The following SLC28A3 variants were observed in gnomAD, a reference collection of about 807,000 sequenced individuals.
SLC28A3 encodes concentrative Na(+)-nucleoside cotransporter 3.
Under a neutral mutation model 84.2 loss-of-function variants are expected in SLC28A3, and 68 were observed. The ratio of observed to expected loss-of-function variants is 0.81; its 90% CI spans 0.66 to 0.99. SLC28A3 has a LOEUF of 0.99. SLC28A3 is among the 50% of genes least tolerant of loss of function. The pLI, the probability that SLC28A3 is intolerant of heterozygous loss-of-function variation, is 0.00. For missense variants in SLC28A3, 712 were observed against 841.5 expected, an observed-to-expected ratio of 0.85 and a Z score of 1.90; for synonymous variants, 267 against 303.6, an observed-to-expected ratio of 0.88 and a Z score of 1.25.
At chr9:84,303,260 C>T (rs1443601922) in intron 4 of SLC28A3, among the ~76,000 whole-genome samples, 1 of 152,196 alleles carries the variant, frequency 6.6e-6, no homozygotes, top group African/African-American at 2.4e-5. Context: ...ATGGAAGACT[C>T]ATTTCTCTAT....
chr9:84,356,275 G>A, the SLC28A3 span, among the ~76,000 whole-genome samples: 1 of 152,078 alleles, frequency 6.6e-6, no homozygotes, highest in South Asian at 2.1e-4. Flanking sequence ...AAAGTTTCAG[G>A]CCCTCCTCCC....
the SLC28A3 span, among the ~76,000 whole-genome samples, chr9:84,358,749 C>T: frequency 6.6e-6 from 1 of 152,134 alleles, no homozygotes; most frequent in Non-Finnish European, 1.5e-5. Flanking sequence ...ATAAATTTTT[C>T]GAATGATTCA....
At chr9:84,350,715 C>T in the SLC28A3 span, among the ~76,000 whole-genome samples, 1 of 152,024 alleles carries the variant, frequency 6.6e-6, no homozygotes, top group African/African-American at 2.4e-5. Flanking sequence ...TCTTAGCTCA[C>T]CATAACTTTT....
At chr9:84,280,952 G>C in intron 14 of SLC28A3, 70 bp from the exon 15 acceptor site, 2 of 1,416,998 alleles carry the variant, frequency 1.4e-6, no homozygotes, top group South Asian at 2.4e-5. Flanking sequence ...ATCCAACTGG[G>C]CTTCATTTTG....
At chr9:84,344,065 A>G (rs998846832), upstream of SLC28A3, among the ~76,000 whole-genome samples, 1 of 152,088 alleles carries the variant, frequency 6.6e-6, no homozygotes, top group Non-Finnish European at 1.5e-5. Context: ...TTCTTCCTTC[A>G]TAAAACGGAG....
At chr9:84,363,620 G>A in the SLC28A3 span, among the ~76,000 whole-genome samples, 94 of 152,244 alleles carry the variant, frequency 6.2e-4, 1 homozygote, top group East Asian at 0.016. Flanking sequence ...GCATTTATCA[G>A]AATCATCTAA....
At chr9:84,352,910 A>G in the SLC28A3 span, among the ~76,000 whole-genome samples, 1 of 151,460 alleles carries the variant, frequency 6.6e-6, no homozygotes, top group Admixed American at 6.6e-5. Context: ...AAAAAAAAAA[A>G]AAAAACCTTA....
At chr9:84,299,491 T>TTGTTC (rs1209795338) in intron 6 of SLC28A3, 90 bp downstream of exon 6, 2 of 1,525,072 alleles carry the variant, frequency 1.3e-6, no homozygotes, top group East Asian at 4.6e-5. Context: ...TACTGAACAA[T>TTGTTC]AGTTAAATTC....
At chr9:84,364,930 A>G in the SLC28A3 span, among the ~76,000 whole-genome samples, 1 of 152,202 alleles carries the variant, frequency 6.6e-6, no homozygotes, top group Non-Finnish European at 1.5e-5. Context: ...GTTGATGGAC[A>G]CTTAGGTTGC....
At chr9:84,359,916 G>A in the SLC28A3 span, among the ~76,000 whole-genome samples, 1 of 150,346 alleles carries the variant, frequency 6.7e-6, no homozygotes, top group African/African-American at 2.5e-5. Flanking sequence ...CCGGAGAATT[G>A]CTTGAGCCAG....
intron 14 of SLC28A3, among the ~76,000 whole-genome samples, chr9:84,283,260 A>G (rs976174168): frequency 1.4e-4 from 22 of 152,394 alleles, no homozygotes; most frequent in African/African-American, 5.3e-4. Context: ...GATGCACCGT[A>G]CTAGAAAAAT....
At chr9:84,366,748 T>C in the SLC28A3 span, among the ~76,000 whole-genome samples, 3 of 152,202 alleles carry the variant, frequency 2.0e-5, no homozygotes, top group Non-Finnish European at 4.4e-5. Flanking sequence ...ACAGAATCTC[T>C]CTCTCTGTTC....
chr9:84,315,950 A>G (rs1177620499), intron 1 of SLC28A3, among the ~76,000 whole-genome samples: 1 of 152,240 alleles, frequency 6.6e-6, no homozygotes, highest in Non-Finnish European at 1.5e-5. Context: ...TGTGTAAGAA[A>G]GGTGAGGGAA....
At chr9:84,312,582 A>G (rs1445966638) in intron 2 of SLC28A3, among the ~76,000 whole-genome samples, 3 of 131,980 alleles carry the variant, frequency 2.3e-5, no homozygotes, top group African/African-American at 9.0e-5. Context: ...TCTGTCGCCC[A>G]GGCTGGAGTA....
intron 12 of SLC28A3, 144 bp from the exon 13 acceptor site, chr9:84,286,255 A>G: frequency 1.4e-6 from 1 of 693,542 alleles, no homozygotes; most frequent in Non-Finnish European, 2.4e-6. Context: ...CCTGAATCCC[A>G]TGACATCATG....
the SLC28A3 span, among the ~76,000 whole-genome samples, chr9:84,355,049 T>A: frequency 1.3e-5 from 2 of 152,200 alleles, no homozygotes; most frequent in Non-Finnish European, 2.9e-5. Context: ...TTGAAAAGCA[T>A]GATTTTGTGA....
the SLC28A3 span, among the ~76,000 whole-genome samples, chr9:84,352,247 G>T: frequency 1.3e-5 from 2 of 151,838 alleles, no homozygotes; most frequent in African/African-American, 4.8e-5. Flanking sequence ...GCAATGACGT[G>T]ATCTTGGCTC....
intron 1 of SLC28A3, among the ~76,000 whole-genome samples, chr9:84,339,968 A>G (rs1827102532): frequency 6.6e-6 from 1 of 152,226 alleles, no homozygotes; most frequent in Admixed American, 6.5e-5. Context: ...AGCTAAGGAA[A>G]GGAAGCACAC....
chr9:84,303,887 A>T (rs1486697008), intron 4 of SLC28A3, among the ~76,000 whole-genome samples: 1 of 151,482 alleles, frequency 6.6e-6, no homozygotes, highest in African/African-American at 2.4e-5. Context: ...AATATTCATG[A>T]CTCCCCCTAT....
Sources: allele counts gnomAD v4.1 joint callset (sites outside exome capture counted in the v4.1 genomes callset), GRCh38; gene constraint gnomAD v4.1.1; transcripts MANE v1.5; gene names NCBI Gene and HGNC (gene_info 2026-07-23, HGNC 2026-07-21).